Variants in NSMAF observed in about 807,000 individuals in gnomAD.
NSMAF encodes the protein protein FAN.
A neutral mutation model predicts 134.9 loss-of-function variants in NSMAF; 90 were observed. That is an observed-to-expected ratio of 0.67 (90% CI 0.56 to 0.79). The LOEUF (loss-of-function observed/expected upper bound fraction) is 0.79, where lower values mean the gene tolerates loss of function less well. Ranked by LOEUF, NSMAF falls within the 30% of genes least tolerant of loss-of-function variation. The probability of loss-of-function intolerance (pLI) is 0.00; values close to 1 mark genes in which losing one functional copy is unlikely to be tolerated. For missense variants in NSMAF, 1,010 were observed against 1,119.0 expected (o/e 0.90, Z 1.39); for synonymous variants, 358 against 389.6 (o/e 0.92, Z 0.96).
chr8:58,615,753 C>G (rs73250335), intron 9 of NSMAF, among the ~76,000 whole-genome samples: 11,690 of 152,130 alleles, frequency 0.077, 1,191 homozygotes, highest in African/African-American at 0.24. Flanking sequence ...CCTAGACTTT[C>G]TTCTTAGAAA....
intron 13 of NSMAF, 93 bp from the exon 14 acceptor site, chr8:58,602,230 G>GT (rs929660705): frequency 1.9e-5 from 19 of 990,736 alleles, no homozygotes; most frequent in African/African-American, 1.2e-4. Context: ...TTCCACAAAA[G>GT]TTTTTTTAAA....
At chr8:58,627,500 A>G (rs1806962258) in intron 6 of NSMAF, among the ~76,000 whole-genome samples, 1 of 152,236 alleles carries the variant, frequency 6.6e-6, no homozygotes, top group Non-Finnish European at 1.5e-5. Context: ...TAATAAATGA[A>G]TTCAGTAAAT....
At chr8:58,622,707 T>C (rs1180647227) in intron 9 of NSMAF, among the ~76,000 whole-genome samples, 1 of 152,102 alleles carries the variant, frequency 6.6e-6, no homozygotes, top group Non-Finnish European at 1.5e-5. Flanking sequence ...TTTTTAATTT[T>C]TAATTTTGCA....
chr8:58,589,397 T>C, intron 26 of NSMAF, 55 bp downstream of exon 26: 2 of 1,341,746 alleles, frequency 1.5e-6, no homozygotes, highest in Non-Finnish European at 1.9e-6. Context: ...CTAAAAATTA[T>C]ACATATGCCA....
rs867312999 is a variant in NSMAF, at chr8:58,659,806, G to A, written c.-175C>T. ...GGCCGAGAGCCCGACGCGGCGTCCCGGCCGCGCTCACCGCAGCATCCTCGC... is the reference window on the plus strand; with the variant it reads ...GGCCGAGAGCCCGACGCGGCGTCCCAGCCGCGCTCACCGCAGCATCCTCGC... On this transcript the variant is annotated 5_prime_UTR_variant, in exon 1 of 31. Coordinates refer to ENST00000038176, the MANE Select transcript of NSMAF (RefSeq NM_003580.4). 6.1e-6 allele frequency: 2 copies of A among 330,008 alleles called. No individual in the cohort carries two copies. The highest frequency in any genetic ancestry group is 2.2e-5 in the African/African-American group (1 of 45,970). 20.4% of individuals were successfully genotyped at this position (330,008 alleles called of 1,614,324 possible).
In NSMAF at chr8:58,601,302, T is replaced by A; in HGVS notation, c.1263A>T (p.Ala421=). The A allele has an allele frequency of 6.2e-7, 1 of 1,613,892 alleles. No homozygotes were observed. The highest frequency in any genetic ancestry group is 8.5e-7 in the Non-Finnish European group (1 of 1,179,808). The stretch of plus-strand genomic sequence containing the variant: ...TATCAAACCTGTTGAACATTCTATC[T>A]GCATTATCAAATCTTCCATTCTGCA... ...LCLQNGRFDN[A]DRMFNSIAET... The change falls in exon 16 of 31, where the codon GCA becomes GCT. Residue 421 remains alanine (A), a synonymous_variant. Coordinates refer to ENST00000038176, the MANE Select transcript of NSMAF (RefSeq NM_003580.4).
intron 21 of NSMAF, among the ~76,000 whole-genome samples, chr8:58,596,930 CAA>C (rs538263469): frequency 8.7e-4 from 56 of 64,358 alleles, no homozygotes; most frequent in African/African-American, 1.1e-3. Context: ...GACTCCGTCT[CAA>C]AAAAAAAAAA....
intron 22 of NSMAF, 37 bp from the exon 23 acceptor site, chr8:58,594,327 C>G (rs371718081): frequency 4.7e-5 from 74 of 1,565,324 alleles, no homozygotes; most frequent in Non-Finnish European, 6.2e-5. Context: ...TACTACTCAT[C>G]ATGTGTTAGG....
chr8:58,634,384 T>C (rs1807123444), intron 5 of NSMAF, among the ~76,000 whole-genome samples: 1 of 152,210 alleles, frequency 6.6e-6, no homozygotes, highest in South Asian at 2.1e-4. Context: ...CCTCCCCATC[T>C]GCCTCCTAGG....
intron 5 of NSMAF, among the ~76,000 whole-genome samples, chr8:58,632,538 A>T (rs942022518): frequency 2.0e-5 from 3 of 151,882 alleles, no homozygotes; most frequent in Admixed American, 2.0e-4. Context: ...CTTCTCTCCA[A>T]CCTCACTGGC....
rs185359294 is a variant in NSMAF at position 58,585,302 on chromosome 8, T to C, written c.2659+350A>G. 2.0e-3 allele frequency among the ~76,000 whole-genome samples: 304 copies of C among 150,362 alleles called. 1 individual carries two copies. Among genetic ancestry groups the C allele is most frequent in the African/African-American group, 7.0e-3 (283 of 40,398 alleles). ...GCCTTAATTTTCATTGTAGTTCCTA[T>C]TGTATTGTTTCTGGGTTTTTTTTTT... On this transcript the variant is annotated intron_variant, in intron 30 of 30. Transcript: ENST00000038176.
chr8:58,658,151 C>T (rs1807764052), intron 1 of NSMAF, among the ~76,000 whole-genome samples: 1 of 152,118 alleles, frequency 6.6e-6, no homozygotes, highest in African/African-American at 2.4e-5. Context: ...TATGAATGTT[C>T]ACCCACTCAA....
At chr8:58,618,322 A>T (rs1806710414) in intron 9 of NSMAF, among the ~76,000 whole-genome samples, 2 of 152,140 alleles carry the variant, frequency 1.3e-5, no homozygotes, top group African/African-American at 4.8e-5. Context: ...TTTTAAAAGA[A>T]GGGGAAAATT....
intron 6 of NSMAF, among the ~76,000 whole-genome samples, chr8:58,624,394 C>CA (rs1275345052): frequency 6.6e-6 from 1 of 151,972 alleles, no homozygotes; most frequent in Non-Finnish European, 1.5e-5. Flanking sequence ...TTAACGTAGA[C>CA]ATTTAATTCT....
intron 6 of NSMAF, among the ~76,000 whole-genome samples, chr8:58,625,230 G>A (rs148355171): frequency 6.6e-6 from 1 of 152,182 alleles, no homozygotes; most frequent in African/African-American, 2.4e-5. Context: ...TTCAGACTCA[G>A]ACTAAACGCT....
At chr8:58,600,756 TC>T (rs1389992179) in intron 16 of NSMAF, among the ~76,000 whole-genome samples, 1 of 121,090 alleles carries the variant, frequency 8.3e-6, no homozygotes, top group Non-Finnish European at 2.0e-5. Flanking sequence ...ACAATTATTA[TC>T]TCAGTGTGGT....
intron 30 of NSMAF, among the ~76,000 whole-genome samples, chr8:58,585,177 T>G (rs1328325151): frequency 1.3e-5 from 2 of 152,194 alleles, no homozygotes; most frequent in African/African-American, 4.8e-5. Flanking sequence ...ATACTTCACA[T>G]AAACAATTTA....
At chr8:58,619,354 C>T (rs1806732418) in intron 9 of NSMAF, among the ~76,000 whole-genome samples, 1 of 152,146 alleles carries the variant, frequency 6.6e-6, no homozygotes. Context: ...ATATTACAAA[C>T]TACTCTCATT....
At chr8:58,590,095 C>T (rs372811025) in intron 24 of NSMAF, 21 bp from the exon 25 acceptor site, 59 of 1,595,894 alleles carry the variant, frequency 3.7e-5, no homozygotes, top group African/African-American at 3.0e-4. Flanking sequence ...AATGATTTGA[C>T]GTTAACAATC....
Sources: gnomAD v4.1 joint callset for allele counts (sites outside exome capture counted in the v4.1 genomes callset) on GRCh38, gnomAD v4.1.1 for gene constraint, MANE v1.5 for transcripts, NCBI Gene and HGNC (gene_info 2026-07-23, HGNC 2026-07-21) for gene names.